The following SLA2 variants were observed in gnomAD, a reference collection of about 807,000 sequenced individuals.
The protein encoded by SLA2 is src-like-adapter 2.
SLA2 carries 22 observed loss-of-function variants against 27.3 expected under a neutral mutation model. That is an observed-to-expected ratio of 0.81 (90% CI 0.58 to 1.15). The LOEUF is 1.15. SLA2 is among the 50% of genes most tolerant of loss of function. The pLI, the probability that SLA2 is intolerant of heterozygous loss-of-function variation, is 0.00. For synonymous variants in SLA2, 131 were observed against 137.8 expected, an observed-to-expected ratio of 0.95 and a Z score of 0.34; for missense variants, 304 against 322.2, an observed-to-expected ratio of 0.94 and a Z score of 0.43.
At chr20:36,637,079 T>C (rs2039458145) in intron 2 of SLA2, among the ~76,000 whole-genome samples, 1 of 152,154 alleles carries the variant, frequency 6.6e-6, no homozygotes, top group African/African-American at 2.4e-5. Flanking sequence ...AAATCTGCTC[T>C]GAATTGTCTT....
At position 36,633,610 on chromosome 20, in the gene SLA2, C is replaced by T. The variant is rs1356852650; in HGVS notation, c.211G>A (p.Val71Met). 3.1e-6 allele frequency: 5 copies of T among 1,613,832 alleles called. No individual in the cohort carries two copies. The highest frequency in any genetic ancestry group is 1.3e-5 in the African/African-American group (1 of 74,904). The part of the protein sequence containing the change: ...IVSEDGDWWT[V>M]LSEVSGREYN... Reference sequence around the variant, plus strand: ...TCTCTGCCTGAGACTTCAGACAGCACCGTCCACCAGTCTCCATCCCTGGAG... The same window carrying T: ...TCTCTGCCTGAGACTTCAGACAGCATCGTCCACCAGTCTCCATCCCTGGAG... Residue 71 changes from valine to methionine, a missense_variant, in exon 4 of 8, where the codon GTG becomes ATG. Transcript: ENST00000262866.
chr20:36,626,744 T>C (rs1287117411), intron 5 of SLA2, among the ~76,000 whole-genome samples: 1 of 148,728 alleles, frequency 6.7e-6, no homozygotes, highest in Non-Finnish European at 1.5e-5. Context: ...CTCGGGAGGC[T>C]GAGGCAGGAG....
In SLA2 at chr20:36,612,628, G is replaced by T; in HGVS notation, c.*1238C>A. On this transcript the variant is annotated 3_prime_UTR_variant, in exon 8 of 8. Coordinates refer to ENST00000262866, the MANE Select transcript of SLA2 (RefSeq NM_032214.4). ...TTGGGAACCAGTAGGAGCACTGGAG[G>T]GGGTGCCTCCCACCCCATCCCTCTT... is the stretch of plus-strand genomic sequence containing the variant. The T allele has an allele frequency of 2.4e-5, 6 of 252,964 alleles. No individual in the cohort carries two copies. In the South Asian group the frequency reaches 2.6e-4, roughly 11 times the overall value. 15.7% of individuals were successfully genotyped at this position (252,964 alleles called of 1,614,324 possible).
intron 1 of SLA2, among the ~76,000 whole-genome samples, chr20:36,641,640 C>T (rs931422040): frequency 7.9e-5 from 12 of 152,158 alleles, no homozygotes; most frequent in Non-Finnish European, 7.3e-5. Flanking sequence ...CTCCGATGGG[C>T]AGTCATGCCC....
At chr20:36,623,606 T>G (rs949409699) in intron 5 of SLA2, among the ~76,000 whole-genome samples, 3 of 152,126 alleles carry the variant, frequency 2.0e-5, no homozygotes, top group African/African-American at 7.2e-5. Context: ...CTGCTTCGTT[T>G]TCTTTGTTTT....
At chr20:36,618,159 AAAG>A (rs1446840137) in intron 5 of SLA2, among the ~76,000 whole-genome samples, 3 of 152,154 alleles carry the variant, frequency 2.0e-5, no homozygotes, top group Non-Finnish European at 4.4e-5. Flanking sequence ...AAAAAAAAAA[AAAG>A]GCTAAAAGTA....
rs576019546 is a variant in SLA2, at chr20:36,638,297, G to T, written c.91+2948C>A. The stretch of plus-strand genomic sequence containing the variant: ...CGTTACAAATGAAAAACTTGAGATG[G>T]GGAATTTAGGCAATTTATTGTTTTT... On this transcript the variant is annotated intron_variant, in intron 2 of 7. Coordinates refer to ENST00000262866, the MANE Select transcript of SLA2 (RefSeq NM_032214.4). Among the ~76,000 whole-genome samples, 14 of 152,000 alleles carry T rather than the reference G, an allele frequency of 9.2e-5. No homozygotes were observed. In the East Asian group the frequency reaches 2.7e-3, roughly 29 times the overall value.
At chr20:36,634,699 C>A in intron 2 of SLA2, 110 bp from the exon 3 acceptor site, 1 of 594,778 alleles carries the variant, frequency 1.7e-6, no homozygotes, top group Middle Eastern at 2.9e-4. Context: ...TCCACAAGCA[C>A]CCTGAGGGAG....
At chr20:36,621,322 A>G in intron 5 of SLA2, 1 of 614,530 alleles carries the variant, frequency 1.6e-6, no homozygotes, top group East Asian at 3.7e-5. Flanking sequence ...TTATGGACCT[A>G]TGAAAGGAGG....
intron 2 of SLA2, among the ~76,000 whole-genome samples, chr20:36,634,863 G>C (rs1875291): frequency 0.89 from 134,836 of 152,042 alleles, 59,891 homozygotes; most frequent in Admixed American, 0.91. Flanking sequence ...CTGCACGTAG[G>C]CTGAGCGACA....
intron 1 of SLA2, among the ~76,000 whole-genome samples, chr20:36,642,880 C>T (rs758064701): frequency 6.6e-6 from 1 of 151,948 alleles, no homozygotes; most frequent in Non-Finnish European, 1.5e-5. Context: ...CCACCGCACC[C>T]GGTCCTTTTT....
chr20:36,639,907 T>C (rs2039490281), intron 2 of SLA2, among the ~76,000 whole-genome samples: 1 of 151,974 alleles, frequency 6.6e-6, no homozygotes, highest in African/African-American at 2.4e-5. Flanking sequence ...ATATTTTTAT[T>C]GTTCAACTGT....
In SLA2 at chr20:36,634,464, C is replaced by G. The variant is rs775754227; in HGVS notation, c.191+26G>C. On this transcript the variant is annotated intron_variant, in intron 3 of 7. Transcript: ENST00000262866. ...ATGCCTGGCTCTATTAGTGCATATT[C>G]AGGTATCCAGTGCCCATGGACTTAC... The G allele has an allele frequency of 1.6e-5, 25 of 1,525,742 alleles. No individual in the cohort carries two copies. The Admixed American group carries it at 4.2e-4, about 26-fold the overall frequency. 94.5% of individuals were successfully genotyped at this position (1,525,742 alleles called of 1,614,324 possible).
intron 1 of SLA2, among the ~76,000 whole-genome samples, chr20:36,644,805 A>ATCG (rs1245975770): frequency 6.6e-6 from 1 of 151,722 alleles, no homozygotes; most frequent in Non-Finnish European, 1.5e-5. Context: ...GACATGAGGC[A>ATCG]TCGGGTGAAA....
chr20:36,613,674 G>T lies in SLA2; in HGVS notation c.*192C>A. On this transcript the variant is annotated 3_prime_UTR_variant, in exon 8 of 8. Coordinates refer to ENST00000262866, the MANE Select transcript of SLA2 (RefSeq NM_032214.4). The stretch of plus-strand genomic sequence containing the variant: ...ACTAGAGGTCGCAGGTGGGATCATG[G>T]CACTGGAAGGAAGTAGGTGACTTCT... 2 of 603,318 alleles carry T rather than the reference G, an allele frequency of 3.3e-6. No individual in the cohort carries two copies. Among genetic ancestry groups the T allele is most frequent in the Non-Finnish European group, 5.5e-6 (2 of 362,334 alleles). The allele number at this position is 603,318 out of a possible 1,614,324, so 37.4% of individuals were successfully genotyped here.
At chr20:36,624,458 CTT>C (rs2039316904) in intron 5 of SLA2, among the ~76,000 whole-genome samples, 2 of 152,152 alleles carry the variant, frequency 1.3e-5, no homozygotes, top group Admixed American at 6.6e-5. Flanking sequence ...CTCTCACACT[CTT>C]TTCTTATTTG....
intron 5 of SLA2, among the ~76,000 whole-genome samples, chr20:36,622,443 TAA>T (rs58568342): frequency 0.051 from 7,215 of 141,030 alleles, 591 homozygotes; most frequent in African/African-American, 0.17. Context: ...CCTTCATGAT[TAA>T]AAAAAAAAAA....
In SLA2 at chr20:36,634,357, C is replaced by A. The variant is rs369920332; in HGVS notation, c.191+133G>T. 53 of 620,244 alleles carry A rather than the reference C, an allele frequency of 8.5e-5. 1 individual carries two copies. The East Asian group carries it at 1.0e-3, about 12-fold the overall frequency. 38.4% of individuals were successfully genotyped at this position (620,244 alleles called of 1,614,324 possible). On this transcript the variant is annotated intron_variant, in intron 3 of 7. Transcript: ENST00000262866. ...GGAGTGCACTGGCTTGATCATAGCTCATTGCAGCCTTGAGCTCCCGAGCTC... is the reference window on the plus strand; with the variant it reads ...GGAGTGCACTGGCTTGATCATAGCTAATTGCAGCCTTGAGCTCCCGAGCTC...
At position 36,615,326 on chromosome 20, in the gene SLA2, C is replaced by T. The variant is rs200208007; in HGVS notation, c.431G>A (p.Arg144Gln). Residue 144 changes from arginine to glutamine, a missense_variant, in exon 6 of 8, where the codon CGG (arginine) becomes CAG (glutamine). By Grantham distance (43) the Arg-to-Gln change is conservative (BLOSUM62 1). Transcript: ENST00000262866. ...GCAGTGGATCCTGTAGTGTCTGATC[C>T]GGTCCCAGGATGCAGGGCGGCTGAG... The part of the protein sequence containing the change: ...VRLSRPASWD[R>Q]IRHYRIHCLD... 8.0e-5 allele frequency: 129 copies of T among 1,614,078 alleles called. No homozygotes were observed. Among genetic ancestry groups the T allele is most frequent in the East Asian group, 1.3e-4 (6 of 44,882 alleles).
Sources: allele counts gnomAD v4.1 joint callset (sites outside exome capture counted in the v4.1 genomes callset), GRCh38; gene constraint gnomAD v4.1.1; transcripts MANE v1.5; gene names NCBI Gene and HGNC (gene_info 2026-07-23, HGNC 2026-07-21).